The following ARAP2 variants were observed in gnomAD, a reference collection of about 807,000 sequenced individuals.
ARAP2 encodes the protein ArfGAP with RhoGAP domain, ankyrin repeat and PH domain 2.
A neutral mutation model predicts 194.5 loss-of-function variants in ARAP2; 148 were observed. That is an observed-to-expected ratio of 0.76 (90% CI 0.67 to 0.87). ARAP2 has a LOEUF of 0.87. Among genes scored for constraint, ARAP2 ranks in the 40% least tolerant of loss-of-function variants. The pLI is 0.00. For missense variants in ARAP2, 2,128 were observed against 1,989.7 expected, an observed-to-expected ratio of 1.07 and a Z score of -1.32; for synonymous variants, 695 against 683.5, an observed-to-expected ratio of 1.02 and a Z score of -0.26.
intron 6 of ARAP2, among the ~76,000 whole-genome samples, chr4:36,018,795 TG>T (rs1716354940): frequency 6.6e-6 from 1 of 152,150 alleles, no homozygotes; most frequent in Admixed American, 6.6e-5. Flanking sequence ...TAAACAGAAG[TG>T]AGATGAGCAA....
chr4:36,050,766 G>A (rs1199653630), intron 3 of ARAP2, among the ~76,000 whole-genome samples: 1 of 152,126 alleles, frequency 6.6e-6, no homozygotes, highest in Non-Finnish European at 1.5e-5. Flanking sequence ...GTACTTGTTT[G>A]TTCAAATCTT....
rs1207941763 is a variant in ARAP2 at position 36,067,117 on chromosome 4, A to C, written c.*790T>G. The C allele has an allele frequency of 6.6e-6, 1 of 152,290 alleles. No homozygotes were observed. The highest frequency in any genetic ancestry group is 2.4e-5 in the African/African-American group (1 of 41,470). 9.4% of individuals were successfully genotyped at this position (152,290 alleles called of 1,614,324 possible). ...GTACACAACCTCTCCAATGCAGTGT[A>C]AGTTTCCTCTTAGCAGCCACCAACA... is the stretch of plus-strand genomic sequence containing the variant. On this transcript the variant is annotated 3_prime_UTR_variant, in exon 33 of 33. Transcript: ENST00000303965.
chr4:36,227,638 A>C (rs1578349781), intron 2 of ARAP2, among the ~76,000 whole-genome samples: 1 of 152,020 alleles, frequency 6.6e-6, no homozygotes, highest in South Asian at 2.1e-4. Flanking sequence ...GCATGGGGGG[A>C]AAGAGGAATC....
chr4:36,135,696 C>T (rs1726537254), intron 19 of ARAP2, among the ~76,000 whole-genome samples: 1 of 151,796 alleles, frequency 6.6e-6, no homozygotes, highest in South Asian at 2.1e-4. Context: ...TTTTGAGAAA[C>T]ATCAAACCTC....
intron 2 of ARAP2, among the ~76,000 whole-genome samples, chr4:36,223,955 A>G (rs1298347006): frequency 3.9e-5 from 6 of 152,202 alleles, no homozygotes; most frequent in Non-Finnish European, 7.3e-5. Context: ...TGGTATCAGA[A>G]TTAAAATGGT....
In ARAP2 at chr4:36,176,911, A is replaced by C. The variant is rs151052651; in HGVS notation, c.1857+916T>G. On this transcript the variant is annotated intron_variant, in intron 9 of 32. Coordinates refer to ENST00000303965, the MANE Select transcript of ARAP2 (RefSeq NM_015230.4). ...GTCAGCATTTATATTCCACCTTACT[A>C]TAACCCATAATGATGTATCATAAAA... Among the ~76,000 whole-genome samples, 473 of 152,206 alleles carry C rather than the reference A, an allele frequency of 3.1e-3. 1 individual carries two copies. The highest frequency in any genetic ancestry group is 4.0e-3 in the Non-Finnish European group (275 of 67,952).
At chr4:36,207,369 T>C (rs1745779963) in intron 6 of ARAP2, among the ~76,000 whole-genome samples, 1 of 152,234 alleles carries the variant, frequency 6.6e-6, no homozygotes, top group South Asian at 2.1e-4. Context: ...AAATTCAACA[T>C]TTTATTGTTT....
intron 1 of ARAP2, among the ~76,000 whole-genome samples, chr4:36,234,830 T>C (rs1239067319): frequency 6.6e-6 from 1 of 152,192 alleles, no homozygotes; most frequent in Admixed American, 6.5e-5. Flanking sequence ...GACAAACCCA[T>C]ATAAGCTACA....
chr4:36,168,220 G>A (rs1735729323), intron 9 of ARAP2, among the ~76,000 whole-genome samples: 1 of 152,184 alleles, frequency 6.6e-6, no homozygotes, highest in Non-Finnish European at 1.5e-5. Flanking sequence ...GAATGGAAGA[G>A]GAGGGGCCGA....
intron 8 of ARAP2, among the ~76,000 whole-genome samples, chr4:36,181,684 T>C (rs1739294929): frequency 6.6e-6 from 1 of 152,204 alleles, no homozygotes; most frequent in South Asian, 2.1e-4. Context: ...AACCAATCAC[T>C]CACACAAATA....
intron 9 of ARAP2, among the ~76,000 whole-genome samples, chr4:36,174,743 C>T (rs573435251): frequency 3.9e-5 from 6 of 152,270 alleles, no homozygotes; most frequent in Non-Finnish European, 8.8e-5. Flanking sequence ...CTCCCTTCTT[C>T]ACATGATGCC....
intron 30 of ARAP2, among the ~76,000 whole-genome samples, chr4:36,081,643 G>C (rs570082839): frequency 2.0e-5 from 3 of 152,112 alleles, no homozygotes; most frequent in East Asian, 3.9e-4. Context: ...GAGAATGTAC[G>C]ACAAAACAAA....
intron 28 of ARAP2, among the ~76,000 whole-genome samples, chr4:36,089,989 T>G (rs1401562129): frequency 6.6e-6 from 1 of 151,906 alleles, no homozygotes; most frequent in African/African-American, 2.4e-5. Flanking sequence ...ATAAAAAGAA[T>G]TTTTACATAT....
rs914897135 is a variant in ARAP2, at chr4:36,158,589, G to C, written c.2752+141C>G. On this transcript the variant is annotated intron_variant, in intron 15 of 32. Coordinates refer to ENST00000303965, the MANE Select transcript of ARAP2 (RefSeq NM_015230.4). ...GTACATGAAATAATATTTGCACCTA[G>C]AAGCATTTATAAATCCTCAAAAATA... 3 of 714,976 alleles carry C rather than the reference G, an allele frequency of 4.2e-6. No homozygotes were observed. The African/African-American group carries it at 5.5e-5, about 13-fold the overall frequency. The allele number at this position is 714,976 out of a possible 1,614,324, so 44.3% of individuals were successfully genotyped here.
chr4:36,186,755 G>C (rs1465794727), intron 8 of ARAP2, among the ~76,000 whole-genome samples: 1 of 152,240 alleles, frequency 6.6e-6, no homozygotes, highest in Non-Finnish European at 1.5e-5. Context: ...GTGCATGCAA[G>C]GAATTTAGGT....
intron 20 of ARAP2, among the ~76,000 whole-genome samples, chr4:36,130,996 G>A (rs1288527243): frequency 6.6e-6 from 1 of 151,700 alleles, no homozygotes; most frequent in Non-Finnish European, 1.5e-5. Flanking sequence ...AAAAATTAAA[G>A]CCCTAAGAGT....
intron 1 of ARAP2, among the ~76,000 whole-genome samples, chr4:36,238,479 T>C (rs1014490040): frequency 1.3e-5 from 2 of 152,194 alleles, no homozygotes; most frequent in African/African-American, 4.8e-5. Flanking sequence ...TAAAGCCTCA[T>C]AGTAGATATA....
rs749795521 is a variant in ARAP2, at chr4:36,229,035, C to T, written c.452G>A (p.Arg151His). Residue 151 changes from arginine to histidine, a missense_variant, in exon 2 of 33, where the codon CGC becomes CAC. Transcript: ENST00000303965. ...QSDDKLSPPK[R>H]DFPTAEEPHL... The stretch of plus-strand genomic sequence containing the variant: ...TGGTTCCTCTGCAGTGGGGAAGTCG[C>T]GTTTAGGAGGAGACAGCTTATCATC... The T allele has an allele frequency of 5.0e-6, 8 of 1,613,940 alleles. No homozygotes were observed. The highest frequency in any genetic ancestry group is 3.3e-5 in the South Asian group (3 of 91,082).
At chr4:36,228,157 T>A (rs945130386) in intron 2 of ARAP2, among the ~76,000 whole-genome samples, 13 of 152,096 alleles carry the variant, frequency 8.5e-5, no homozygotes, top group African/African-American at 3.1e-4. Context: ...AATTATTACT[T>A]GGTGCCAAGC....
Sources: allele counts gnomAD v4.1 joint callset (sites outside exome capture counted in the v4.1 genomes callset), GRCh38; gene constraint gnomAD v4.1.1; transcripts MANE v1.5; gene names NCBI Gene and HGNC (gene_info 2026-07-23, HGNC 2026-07-21).